Variants in POLR2M observed in about 807,000 individuals in gnomAD.
The protein encoded by POLR2M is RNA polymerase II subunit M.
In POLR2M, 30 loss-of-function variants were observed where a neutral mutation model predicts 34.6. The ratio of observed to expected loss-of-function variants is 0.87; its 90% CI spans 0.65 to 1.18. The LOEUF is 1.18. Ranked by LOEUF, POLR2M falls within the 50% of genes most tolerant of loss-of-function variation. The pLI is 0.00. For missense variants in POLR2M, 432 were observed against 448.7 expected (o/e 0.96, Z 0.34); for synonymous variants, 150 against 166.7 (o/e 0.90, Z 0.77).
intron 3 of POLR2M, among the ~76,000 whole-genome samples, chr15:57,712,605 T>C (rs759213127): frequency 6.6e-6 from 1 of 152,198 alleles, no homozygotes; most frequent in African/African-American, 2.4e-5. Flanking sequence ...TTCCATCTTC[T>C]GCAGTACAGG....
intron 2 of POLR2M, among the ~76,000 whole-genome samples, chr15:57,710,108 C>T (rs1176225366): frequency 1.3e-5 from 2 of 152,004 alleles, no homozygotes; most frequent in African/African-American, 4.8e-5. Flanking sequence ...TACATGAGGA[C>T]CCAAGGTTTA....
chr15:57,711,959 A>G lies in POLR2M; in HGVS notation c.759-25A>G, dbSNP rs79827108. The G allele has an allele frequency of 9.2e-4, 1,477 of 1,613,318 alleles. 17 individuals are homozygous for G. In the African/African-American group the frequency reaches 0.016, roughly 17 times the overall value. On this transcript the variant is annotated intron_variant, in intron 2 of 3. Transcript: ENST00000299638. ...TCTACAAATAAAATAATCTGATTGT[A>G]TAACACAAGTTTTCCTTTCATCAGG... is the stretch of plus-strand genomic sequence containing the variant.
At chr15:57,710,507 T>C (rs918725377) in intron 2 of POLR2M, among the ~76,000 whole-genome samples, 4 of 152,224 alleles carry the variant, frequency 2.6e-5, no homozygotes, top group Admixed American at 2.6e-4. Flanking sequence ...CCTCAAAACA[T>C]TTTATTTCTG....
Position 57,714,654 on chromosome 15 carries a change from A to G in POLR2M, c.1082A>G (p.Asp361Gly), listed in dbSNP as rs752367578. The part of the protein sequence containing the change: ...GRYREVRDED[D>G]DWSSDEF ...TACCGAGAAGTAAGGGATGAAGATG[A>G]CGATTGGTCCTCTGATGAATTCTGA... is the stretch of plus-strand genomic sequence containing the variant. The change falls in exon 4 of 4, where the codon GAC (aspartate) becomes GGC (glycine). Residue 361 changes from aspartate to glycine, a missense_variant. By Grantham distance (94) the Asp-to-Gly change is moderately conservative. Transcript: ENST00000299638. 3 of 1,611,792 alleles carry G rather than the reference A, an allele frequency of 1.9e-6. No homozygotes were observed. In the African/African-American group the frequency reaches 4.0e-5, roughly 22 times the overall value.
intron 1 of POLR2M, chr15:57,707,198 TTAG>T (rs2040527035): frequency 2.7e-6 from 4 of 1,461,976 alleles, no homozygotes; most frequent in Non-Finnish European, 3.6e-6. Flanking sequence ...TTGCAGGGAG[TTAG>T]TAGCCCCTGG....
In POLR2M at chr15:57,715,764, A is replaced by C. The variant is rs1169890280; in HGVS notation, c.*1085A>C. The C allele has an allele frequency of 6.6e-6, 1 of 152,254 alleles. No individual in the cohort carries two copies. Among genetic ancestry groups the C allele is most frequent in the Admixed American group, 6.5e-5 (1 of 15,288 alleles). The allele number at this position is 152,254 out of a possible 1,614,324, so 9.4% of individuals were successfully genotyped here. ...AAAAATTCTTTGTCTAATATATTGG[A>C]GTCTTTAAAAGTGTTGAAGAATAAA... On this transcript the variant is annotated 3_prime_UTR_variant, in exon 4 of 4. Coordinates refer to ENST00000299638, the MANE Select transcript of POLR2M (RefSeq NM_015532.5).
At chr15:57,709,490 C>G (rs185826241) in intron 2 of POLR2M, 132 bp downstream of exon 2, 4 of 1,058,764 alleles carry the variant, frequency 3.8e-6, no homozygotes, top group East Asian at 2.4e-5. Flanking sequence ...GGGAAGACAG[C>G]TTTGAGTCCA....
intron 2 of POLR2M, 43 bp from the exon 3 acceptor site, chr15:57,711,941 A>G: frequency 6.2e-7 from 1 of 1,607,550 alleles, no homozygotes; most frequent in Non-Finnish European, 8.5e-7. Flanking sequence ...GTGTCTACAA[A>G]TAAAATAATC....
intron 3 of POLR2M, among the ~76,000 whole-genome samples, chr15:57,712,540 G>T (rs1030907769): frequency 2.6e-4 from 39 of 152,116 alleles, no homozygotes; most frequent in Non-Finnish European, 4.4e-4. Context: ...CTTCTCAGTG[G>T]CGGACTCAAA....
chr15:57,711,437 C>CT (rs1342631508), intron 2 of POLR2M, among the ~76,000 whole-genome samples: 3 of 152,196 alleles, frequency 2.0e-5, no homozygotes, highest in Admixed American at 1.3e-4. Flanking sequence ...TTCTCGCTGT[C>CT]TTTTCTGTGT....
At chr15:57,707,647 G>A (rs1595980721) in intron 1 of POLR2M, 1 of 414,344 alleles carries the variant, frequency 2.4e-6, no homozygotes, top group Admixed American at 2.7e-5. Flanking sequence ...GATGGCTGAA[G>A]TTTCCAATCT....
At chr15:57,710,872 G>A (rs2040681356) in intron 2 of POLR2M, among the ~76,000 whole-genome samples, 1 of 152,156 alleles carries the variant, frequency 6.6e-6, no homozygotes, top group South Asian at 2.1e-4. Flanking sequence ...CTTGGAGGTT[G>A]GAAGGTGGGG....
chr15:57,706,975 A>G lies in POLR2M; in HGVS notation c.113+20A>G. The G allele has an allele frequency of 6.4e-7, 1 of 1,567,530 alleles. No individual in the cohort carries two copies. The highest frequency in any genetic ancestry group is 8.7e-7 in the Non-Finnish European group (1 of 1,155,734). ...CAACGAGTAAGCTGGGGTCCCGCGGAGTCTCCGCCAGGCTCCTTCAGCTCG... is the reference window on the plus strand; with the variant it reads ...CAACGAGTAAGCTGGGGTCCCGCGGGGTCTCCGCCAGGCTCCTTCAGCTCG... On this transcript the variant is annotated intron_variant, in intron 1 of 3. Coordinates refer to ENST00000299638, the MANE Select transcript of POLR2M (RefSeq NM_015532.5).
At position 57,706,742 on chromosome 15, in the gene POLR2M, T is replaced by C. The variant is rs900333914; in HGVS notation, c.-101T>C. The stretch of plus-strand genomic sequence containing the variant: ...CTTCCGGGAAAATGGCGACTCCCGC[T>C]CGTGCCCCGGAGTCACCGCCGTCCG... On this transcript the variant is annotated 5_prime_UTR_variant, in exon 1 of 4. Transcript: ENST00000299638. The C allele has an allele frequency of 1.0e-5, 14 of 1,339,418 alleles. No individual in the cohort carries two copies. In the Middle Eastern group the frequency reaches 9.2e-4, roughly 88 times the overall value. The allele number at this position is 1,339,418 out of a possible 1,614,324, so 83.0% of individuals were successfully genotyped here. A position where few individuals can be genotyped will look rare whatever the true frequency, so the allele number is the denominator to read the frequency against.
chr15:57,713,816 C>T (rs1283939999), intron 3 of POLR2M, among the ~76,000 whole-genome samples: 5 of 123,556 alleles, frequency 4.0e-5, no homozygotes, highest in African/African-American at 1.6e-4. Context: ...CAGCATTAGT[C>T]CTTCTTTTTT....
intron 1 of POLR2M, chr15:57,707,384 G>A: frequency 2.9e-6 from 2 of 686,832 alleles, no homozygotes; most frequent in South Asian, 3.0e-5. Flanking sequence ...TATTAGGCCG[G>A]GAAAGTTCGA....
chr15:57,708,646 C>CTTTTTA, intron 1 of POLR2M, 68 bp from the exon 2 acceptor site: 3 of 1,389,276 alleles, frequency 2.2e-6, no homozygotes, highest in Non-Finnish European at 2.9e-6. Context: ...AATGCCTTGC[C>CTTTTTA]TTTTTAATGT....
In POLR2M at chr15:57,709,224, G is replaced by A. The variant is rs772162470; in HGVS notation, c.624G>A (p.Gln208=). The change falls in exon 2 of 4, where the codon CAG becomes CAA. Residue 208 remains glutamine (Q), a synonymous_variant. Coordinates refer to ENST00000299638, the MANE Select transcript of POLR2M (RefSeq NM_015532.5). The stretch of plus-strand genomic sequence containing the variant: ...CCATTGCGGACCAAGGTGAACAACA[G>A]TCAGAAGAAAACGCAAGTACTAAGA... ...RITIADQGEQ[Q]SEENASTKNL... is the part of the protein sequence containing the mutation. The A allele has an allele frequency of 3.1e-6, 5 of 1,614,056 alleles. No individual in the cohort carries two copies.
chr15:57,709,745 A>G (rs571251792), intron 2 of POLR2M, among the ~76,000 whole-genome samples: 8 of 152,346 alleles, frequency 5.3e-5, no homozygotes, highest in African/African-American at 1.9e-4. Context: ...TAGGATGCTT[A>G]GCCAGTATTT....
Sources: gnomAD v4.1 joint callset for allele counts (sites outside exome capture counted in the v4.1 genomes callset) on GRCh38, gnomAD v4.1.1 for gene constraint, MANE v1.5 for transcripts, NCBI Gene and HGNC (gene_info 2026-07-23, HGNC 2026-07-21) for gene names.